The following DAB2IP variants were observed in gnomAD, a reference collection of about 807,000 sequenced individuals.
The protein encoded by DAB2IP is disabled homolog 2-interacting protein.
In DAB2IP, 28 loss-of-function variants were observed where a neutral mutation model predicts 107.2. That is an observed-to-expected ratio of 0.26 (90% CI 0.19 to 0.36). DAB2IP has a LOEUF of 0.36. Ranked by LOEUF, DAB2IP falls within the 10% of genes least tolerant of loss-of-function variation. The probability of loss-of-function intolerance (pLI) is 1.00; values close to 1 mark genes in which losing one functional copy is unlikely to be tolerated. For missense variants in DAB2IP, 1,400 were observed against 1,644.7 expected (o/e 0.85, Z 2.57); for synonymous variants, 755 against 706.4 (o/e 1.07, Z -1.09).
At chr9:121,650,312 T>G (rs976436184), upstream of DAB2IP, among the ~76,000 whole-genome samples, 11 of 152,132 alleles carry the variant, frequency 7.2e-5, no homozygotes, top group Admixed American at 6.5e-4. Flanking sequence ...GGAAGGCGCC[T>G]GGCTTCCAGC....
At chr9:121,732,971 A>T (rs1345494891) in intron 3 of DAB2IP, among the ~76,000 whole-genome samples, 1 of 152,262 alleles carries the variant, frequency 6.6e-6, no homozygotes, top group African/African-American at 2.4e-5. Flanking sequence ...ATGTACTCAC[A>T]TAAATTAACA....
At chr9:121,766,707 C>T (rs2118991621) in exon 9 of DAB2IP, 4 of 1,614,048 alleles carry the variant, frequency 2.5e-6, no homozygotes, top group Non-Finnish European at 2.5e-6. Flanking sequence ...CCAAGGTCAC[C>T]CAGAACCTGG....
intron 8 of DAB2IP, 33 bp downstream of exon 8, chr9:121,763,912 C>A: frequency 1.2e-6 from 2 of 1,607,702 alleles, no homozygotes; most frequent in Non-Finnish European, 1.7e-6. Flanking sequence ...CCCACCCTGT[C>A]GCCTTCCCCA....
At chr9:121,621,671 C>T (rs529273740) in intron 1 of DAB2IP, among the ~76,000 whole-genome samples, 14 of 147,050 alleles carry the variant, frequency 9.5e-5, no homozygotes, top group Admixed American at 4.7e-4. Context: ...AGTCTCATTC[C>T]GTTACCCAGG....
At chr9:121,648,583 C>A (rs1210150960), upstream of DAB2IP, among the ~76,000 whole-genome samples, 1 of 152,106 alleles carries the variant, frequency 6.6e-6, no homozygotes, top group Non-Finnish European at 1.5e-5. Flanking sequence ...GTACCCACAC[C>A]CCTACTTACT....
At chr9:121,726,908 C>G (rs984936537) in intron 3 of DAB2IP, among the ~76,000 whole-genome samples, 3 of 152,184 alleles carry the variant, frequency 2.0e-5, no homozygotes, top group Non-Finnish European at 2.9e-5. Flanking sequence ...ACTTCAGGAA[C>G]TGGTGCCAAG....
chr9:121,778,018 A>G (rs1429654377), intron 14 of DAB2IP, among the ~76,000 whole-genome samples: 2 of 152,168 alleles, frequency 1.3e-5, no homozygotes, highest in African/African-American at 2.4e-5. Context: ...TGGTCCATTC[A>G]GGCTGCTATA....
exon 16 of DAB2IP, chr9:121,783,517 AT>A: frequency 5.6e-6 from 9 of 1,613,934 alleles, no homozygotes; most frequent in African/African-American, 1.3e-5. Flanking sequence ...GATAACTGTG[AT>A]TTTTTTTCCT....
At chr9:121,740,282 G>C (rs1274441442) in intron 3 of DAB2IP, among the ~76,000 whole-genome samples, 1 of 152,166 alleles carries the variant, frequency 6.6e-6, no homozygotes, top group Admixed American at 6.5e-5. Context: ...ATCTTTCCCA[G>C]CTCTCTGAGC....
chr9:121,637,177 A>C (rs1381755674), intron 1 of DAB2IP, among the ~76,000 whole-genome samples: 1 of 152,080 alleles, frequency 6.6e-6, no homozygotes, highest in Non-Finnish European at 1.5e-5. Flanking sequence ...CTGAGGCTTG[A>C]TTTCCCCATC....
chr9:121,627,575 C>T (rs1430268048), intron 1 of DAB2IP, among the ~76,000 whole-genome samples: 2 of 152,130 alleles, frequency 1.3e-5, no homozygotes, highest in Admixed American at 1.3e-4. Flanking sequence ...TGGCTGTGTA[C>T]TCTCCTGGCA....
At chr9:121,689,604 A>T (rs1386420939) in intron 2 of DAB2IP, among the ~76,000 whole-genome samples, 1 of 152,022 alleles carries the variant, frequency 6.6e-6, no homozygotes, top group African/African-American at 2.4e-5. Context: ...GAGAGAAACA[A>T]GATAGCATCT....
intron 13 of DAB2IP, among the ~76,000 whole-genome samples, chr9:121,774,855 G>GCCCCCAAGGCTTGTGCCTGC (rs1362076299): frequency 6.6e-6 from 1 of 152,130 alleles, no homozygotes; most frequent in East Asian, 1.9e-4. Flanking sequence ...CCCCAGCCTG[G>GCCCCCAAGGCTTGTGCCTGC]CCCCCAAGGC....
At chr9:121,578,589 C>G (rs1399803995) in intron 1 of DAB2IP, among the ~76,000 whole-genome samples, 2 of 151,952 alleles carry the variant, frequency 1.3e-5, no homozygotes, top group African/African-American at 4.8e-5. Flanking sequence ...CTGGGCTCTG[C>G]ACCTCCTGCC....
At chr9:121,715,389 C>G (rs1830546896) in intron 3 of DAB2IP, among the ~76,000 whole-genome samples, 1 of 150,710 alleles carries the variant, frequency 6.6e-6, no homozygotes, top group Non-Finnish European at 1.5e-5. Context: ...TCTCGGTAGC[C>G]CAGGCTGGAG....
intron 1 of DAB2IP, among the ~76,000 whole-genome samples, chr9:121,652,186 C>T (rs1486171103): frequency 6.6e-6 from 1 of 152,180 alleles, no homozygotes; most frequent in East Asian, 1.9e-4. Flanking sequence ...CCCACTGTGC[C>T]TCAGTTTACT....
chr9:121,734,109 G>A (rs1831719758), intron 3 of DAB2IP, among the ~76,000 whole-genome samples: 1 of 140,660 alleles, frequency 7.1e-6, no homozygotes, highest in South Asian at 2.1e-4. Flanking sequence ...CGGGCGCGGT[G>A]GCTCACGCCT....
chr9:121,783,406 T>G, exon 16 of DAB2IP: 3 of 1,590,014 alleles, frequency 1.9e-6, no homozygotes, highest in Non-Finnish European at 2.6e-6. Context: ...AGTGGTCCTG[T>G]AGGGAGTGCC....
At chr9:121,653,834 A>G (rs1198917285) in intron 1 of DAB2IP, among the ~76,000 whole-genome samples, 1 of 152,170 alleles carries the variant, frequency 6.6e-6, no homozygotes, top group African/African-American at 2.4e-5. Flanking sequence ...ACACAGGATC[A>G]CTGCTTGTGT....
Sources: allele counts gnomAD v4.1 joint callset (sites outside exome capture counted in the v4.1 genomes callset), GRCh38; gene constraint gnomAD v4.1.1; transcripts MANE v1.5; gene names NCBI Gene and HGNC (gene_info 2026-07-23, HGNC 2026-07-21).